Variants in XRN1 observed in about 807,000 individuals in gnomAD.
The protein encoded by XRN1 is strand-exchange protein 1 homolog.
In XRN1, 67 loss-of-function variants were observed where a neutral mutation model predicts 222.3. The ratio of observed to expected loss-of-function variants is 0.30; its 90% confidence interval spans 0.25 to 0.37. The LOEUF (loss-of-function observed/expected upper bound fraction) is 0.37, where lower values mean the gene tolerates loss of function less well. Ranked by LOEUF, XRN1 falls within the 10% of genes least tolerant of loss-of-function variation. The pLI is 1.00. For synonymous variants in XRN1, 643 were observed against 652.4 expected, an observed-to-expected ratio of 0.99 and a Z score of 0.22; for missense variants, 1,707 against 2,000.2, an observed-to-expected ratio of 0.85 and a Z score of 2.80.
intron 27 of XRN1, among the ~76,000 whole-genome samples, chr3:142,370,131 A>G (rs902126226): frequency 6.6e-6 from 1 of 152,162 alleles, no homozygotes; most frequent in Non-Finnish European, 1.5e-5. Flanking sequence ...TTCTACTGTA[A>G]CTAAAATCAC....
At chr3:142,362,279 A>G (rs574887562) in intron 29 of XRN1, among the ~76,000 whole-genome samples, 2 of 152,172 alleles carry the variant, frequency 1.3e-5, no homozygotes, top group African/African-American at 4.8e-5. Flanking sequence ...CTGGGATTAC[A>G]GGCATGCACC....
At chr3:142,437,592 A>C (rs898315961) in intron 1 of XRN1, among the ~76,000 whole-genome samples, 1 of 152,200 alleles carries the variant, frequency 6.6e-6, no homozygotes, top group Admixed American at 6.5e-5. Flanking sequence ...ACAAGCTACT[A>C]CAAGAAAACA....
chr3:142,344,583 A>G (rs1306237680), intron 33 of XRN1, among the ~76,000 whole-genome samples: 1 of 151,638 alleles, frequency 6.6e-6, no homozygotes, highest in Non-Finnish European at 1.5e-5. Context: ...AATATACAAA[A>G]ATCAGTTTTA....
In XRN1 at chr3:142,370,626, G is replaced by A. The variant is rs564753569; in HGVS notation, c.3069-6C>T. The A allele has an allele frequency of 3.4e-5, 53 of 1,557,564 alleles. No individual in the cohort carries two copies. The South Asian group carries it at 6.4e-4, about 19-fold the overall frequency. ...TTTCTTGAACTTTTTCAGCACTAAA[G>A]CAAAAACAATAATTTTTAAAATTTG... is the stretch of plus-strand genomic sequence containing the variant. On this transcript the variant is annotated splice_region_variant and splice_polypyrimidine_tract_variant and intron_variant, in intron 26 of 40. Coordinates refer to ENST00000392981, the MANE Select transcript of XRN1 (RefSeq NM_001282857.2).
At chr3:142,421,277 A>G in intron 9 of XRN1, 124 bp from the exon 10 acceptor site, 2 of 1,025,272 alleles carry the variant, frequency 2.0e-6, no homozygotes, top group South Asian at 2.1e-5. Context: ...TCTTTTATAT[A>G]TATGGGAGAC....
intron 13 of XRN1, among the ~76,000 whole-genome samples, chr3:142,415,546 G>A (rs897993985): frequency 2.0e-5 from 3 of 152,152 alleles, no homozygotes; most frequent in African/African-American, 7.2e-5. Flanking sequence ...GTGAGAGCAT[G>A]CTTTTTATGT....
At chr3:142,376,358 G>T in intron 24 of XRN1, 121 bp downstream of exon 24, 3 of 842,860 alleles carry the variant, frequency 3.6e-6, no homozygotes, top group Non-Finnish European at 5.6e-6. Flanking sequence ...AGAAATTTAT[G>T]CACAATTTTA....
At chr3:142,313,044 A>G in intron 39 of XRN1, 1 of 1,399,840 alleles carries the variant, frequency 7.1e-7, no homozygotes, top group Non-Finnish European at 9.8e-7. Flanking sequence ...GAATATTTGC[A>G]ATTATATTTA....
Position 142,422,638 on chromosome 3 carries a change from T to A in XRN1, c.911A>T (p.His304Leu). 6.2e-7 allele frequency: 1 copy of A among 1,613,688 alleles called. No homozygotes were observed. Among genetic ancestry groups the A allele is most frequent in the Non-Finnish European group, 8.5e-7 (1 of 1,179,806 alleles). The stretch of plus-strand genomic sequence containing the variant: ...TCCATAAAGAAGAGGCAGTGCATCA[T>A]GATTAATATGTAAATGAGGTAGATG... ...IPHLPHLHIN[H>L]DALPLLYGTY... Residue 304 changes from histidine to leucine, a missense_variant, in exon 8 of 41, where the codon CAT (histidine) becomes CTT (leucine). Physicochemically the swap from His to Leu is moderately conservative, Grantham distance 99. Transcript: ENST00000392981.
At chr3:142,381,149 CTGT>C (rs2067289624) in intron 22 of XRN1, among the ~76,000 whole-genome samples, 1 of 151,838 alleles carries the variant, frequency 6.6e-6, no homozygotes, top group Non-Finnish European at 1.5e-5. Flanking sequence ...CCAGATTCAC[CTGT>C]TGTTAGCATT....
At chr3:142,431,740 C>T (rs1159705602) in intron 2 of XRN1, among the ~76,000 whole-genome samples, 1 of 139,864 alleles carries the variant, frequency 7.1e-6, no homozygotes, top group Non-Finnish European at 1.6e-5. Flanking sequence ...TCACTTGTGC[C>T]TGGGAGGCGG....
chr3:142,398,198 T>C (rs1006513737), intron 19 of XRN1, among the ~76,000 whole-genome samples: 11 of 152,144 alleles, frequency 7.2e-5, no homozygotes, highest in East Asian at 5.8e-4. Flanking sequence ...TGAGCTATGA[T>C]TGCCACTGCA....
In XRN1 at chr3:142,421,013, C is replaced by A. The variant is rs555310481; in HGVS notation, c.1173+3G>T. 5 of 1,613,468 alleles carry A rather than the reference C, an allele frequency of 3.1e-6. No individual in the cohort carries two copies. In the South Asian group the frequency reaches 4.4e-5, roughly 14 times the overall value. The stretch of plus-strand genomic sequence containing the variant: ...ATGAAAGGACACCTAAAAAAATAGA[C>A]ACCTTTAACTTTTTCTTTTCCTTGT... On this transcript the variant is annotated splice_donor_region_variant and intron_variant, in intron 10 of 40. Transcript: ENST00000392981.
chr3:142,425,155 C>T, intron 5 of XRN1, 67 bp downstream of exon 5: 2 of 1,145,008 alleles, frequency 1.7e-6, no homozygotes, highest in Non-Finnish European at 2.4e-6. Flanking sequence ...GCTTCCTGTA[C>T]AAAATGAAAT....
At chr3:142,358,551 C>T (rs2066527730) in intron 30 of XRN1, among the ~76,000 whole-genome samples, 1 of 152,090 alleles carries the variant, frequency 6.6e-6, no homozygotes, top group Non-Finnish European at 1.5e-5. Flanking sequence ...TAATCTTTTA[C>T]CCAGCTCTCT....
chr3:142,371,145 A>G (rs1559825073), intron 26 of XRN1, 94 bp downstream of exon 26: 1 of 1,049,706 alleles, frequency 9.5e-7, no homozygotes, highest in Non-Finnish European at 1.4e-6. Context: ...AAAAAAAAAA[A>G]AAGTAATATG....
intron 37 of XRN1, among the ~76,000 whole-genome samples, chr3:142,324,420 T>C (rs1183406890): frequency 6.6e-6 from 1 of 152,074 alleles, no homozygotes. Flanking sequence ...ACAAAGGACA[T>C]GAACTCATCA....
chr3:142,400,004 G>A (rs1261409471), intron 19 of XRN1, among the ~76,000 whole-genome samples: 5 of 151,990 alleles, frequency 3.3e-5, no homozygotes, highest in African/African-American at 1.2e-4. Context: ...ATAAACGATT[G>A]TGAATTTCAA....
At chr3:142,346,434 A>G (rs1312724972) in intron 33 of XRN1, among the ~76,000 whole-genome samples, 1 of 152,074 alleles carries the variant, frequency 6.6e-6, no homozygotes, top group Non-Finnish European at 1.5e-5. Flanking sequence ...TGTTTAGGGG[A>G]ATAATAAGAT....
Sources: allele counts gnomAD v4.1 joint callset (sites outside exome capture counted in the v4.1 genomes callset), GRCh38; gene constraint gnomAD v4.1.1; transcripts MANE v1.5; gene names NCBI Gene and HGNC (gene_info 2026-07-23, HGNC 2026-07-21).